Variants in ZNF675 observed in about 807,000 individuals in gnomAD.
The protein encoded by ZNF675 is zinc finger protein 675.
Under a neutral mutation model 56.1 loss-of-function variants are expected in ZNF675, and 36 were observed. The ratio of observed to expected loss-of-function variants is 0.64; its 90% CI spans 0.49 to 0.85. The LOEUF (loss-of-function observed/expected upper bound fraction) is 0.85. Among genes scored for constraint, ZNF675 ranks in the 40% least tolerant of loss-of-function variants. The probability of loss-of-function intolerance (pLI) is 0.00; values close to 1 mark genes in which losing one functional copy is unlikely to be tolerated. For missense variants in ZNF675, 663 were observed against 654.2 expected, an observed-to-expected ratio of 1.01 and a Z score of -0.15; for synonymous variants, 200 against 218.9, an observed-to-expected ratio of 0.91 and a Z score of 0.76.
intron 1 of ZNF675, among the ~76,000 whole-genome samples, chr19:23,685,241 G>A (rs947223946): frequency 6.6e-6 from 1 of 152,140 alleles, no homozygotes; most frequent in Admixed American, 6.6e-5. Context: ...TGGGATTACA[G>A]GTGTGCACCA....
At chr19:23,672,957 G>A (rs865784847) in intron 1 of ZNF675, among the ~76,000 whole-genome samples, 2 of 152,134 alleles carry the variant, frequency 1.3e-5, no homozygotes, top group African/African-American at 4.8e-5. Context: ...TTGACTGGAT[G>A]TACATCATTA....
chr19:23,677,706 CAAAAAAAAAAA>C (rs34806137), intron 1 of ZNF675, among the ~76,000 whole-genome samples: 3 of 80,724 alleles, frequency 3.7e-5, no homozygotes, highest in Non-Finnish European at 7.5e-5. Context: ...GACTCCGTCT[CAAAAAAAAAAA>C]AAAAAAAAAA....
intron 1 of ZNF675, among the ~76,000 whole-genome samples, chr19:23,679,091 C>T (rs1285271382): frequency 1.2e-4 from 16 of 137,720 alleles, no homozygotes; most frequent in Admixed American, 7.3e-4. Flanking sequence ...GGCATGAACT[C>T]GGGAGGCGGA....
rs370887480 is a variant in ZNF675 at position 23,654,178 on chromosome 19, C to T, written c.755G>A (p.Arg252Gln). 43 of 1,613,994 alleles carry T rather than the reference C, an allele frequency of 2.7e-5. No individual in the cohort carries two copies. In the African/African-American group the frequency reaches 2.9e-4, roughly 11 times the overall value. Reference protein sequence around the residue: ...NLTEYKKDYAREKPYKCEECG... With the variant: ...NLTEYKKDYAQEKPYKCEECG... ...TTCTTCACATTTGTATGGTTTCTCT[C>T]GAGCATAATCTTTTTTATATTCAGT... The change falls in exon 4 of 4, where the codon CGA becomes CAA. Residue 252 changes from arginine (R) to glutamine (Q), a missense_variant. Coordinates refer to ENST00000359788, the MANE Select transcript of ZNF675 (RefSeq NM_138330.3).
intron 1 of ZNF675, among the ~76,000 whole-genome samples, chr19:23,663,809 TAATAGCTA>T (rs1230434323): frequency 6.6e-6 from 1 of 152,222 alleles, no homozygotes; most frequent in Non-Finnish European, 1.5e-5. Context: ...CTTGTTTAAA[TAATAGCTA>T]ATTGAGAACA....
chr19:23,656,915 C>G (rs1253286246), intron 3 of ZNF675: 1 of 152,066 alleles, frequency 6.6e-6, no homozygotes, highest in Non-Finnish European at 1.5e-5. Flanking sequence ...CATAACAATA[C>G]AAATATACTA....
chr19:23,678,152 A>G (rs1269719451), intron 1 of ZNF675, among the ~76,000 whole-genome samples: 1 of 151,720 alleles, frequency 6.6e-6, no homozygotes, highest in Non-Finnish European at 1.5e-5. Flanking sequence ...GACGCAAACA[A>G]ATGGAAAATC....
intron 1 of ZNF675, among the ~76,000 whole-genome samples, chr19:23,671,207 C>T (rs1032639727): frequency 6.6e-6 from 1 of 152,168 alleles, no homozygotes; most frequent in Non-Finnish European, 1.5e-5. Flanking sequence ...ATTAGCCAAT[C>T]TGCCCCTGAC....
In ZNF675 at chr19:23,667,878, T is replaced by C. The variant is rs145395879; in HGVS notation, c.4-4720A>G. 7.6e-4 allele frequency among the ~76,000 whole-genome samples: 109 copies of C among 142,936 alleles called. 1 individual carries two copies. The East Asian group carries it at 0.02, about 26-fold the overall frequency. The allele number at this position is 142,936 out of a possible 152,430, so 93.8% of individuals were successfully genotyped here. A position where few individuals can be genotyped will look rare whatever the true frequency, so the allele number is the denominator to read the frequency against. On this transcript the variant is annotated intron_variant, in intron 1 of 3. Coordinates refer to ENST00000359788, the MANE Select transcript of ZNF675 (RefSeq NM_138330.3). ...CCTGAGCTAGACACAGGGTGCTGAT[T>C]GGTGTGTTTACAAACCTTGAGCTAG...
At chr19:23,673,536 C>A (rs2144943420) in intron 1 of ZNF675, among the ~76,000 whole-genome samples, 1 of 152,292 alleles carries the variant, frequency 6.6e-6, no homozygotes, top group East Asian at 1.9e-4. Flanking sequence ...ATGCACTTGG[C>A]AGCAAATTTG....
Position 23,653,538 on chromosome 19 carries a change from T to G in ZNF675, c.1395A>C (p.Ser465=). The part of the protein sequence containing the change: ...EECGKAFIQS[S]KLTEHKKIHS... ...GAATTTTCTTATGTTCAGTAAGTTT[T>G]GAGGATTGGATAAAAGCTTTGCCAC... The change falls in exon 4 of 4, where the codon TCA becomes TCC. Residue 465 remains serine, a synonymous_variant. Transcript: ENST00000359788. 1 of 1,613,406 alleles carries G rather than the reference T, an allele frequency of 6.2e-7. No individual in the cohort carries two copies. Among genetic ancestry groups the G allele is most frequent in the South Asian group, 1.1e-5 (1 of 91,056 alleles).
At position 23,654,421 on chromosome 19, in the gene ZNF675, G is replaced by A. The variant is rs767083736; in HGVS notation, c.512C>T (p.Pro171Leu). ...RHKIKHMENK[P>L]FKCKECGRSF... ...TCTGCCACATTCTTTACATTTGAAA[G>A]GTTTATTTTCCATATGTTTTATCTT... Residue 171 changes from proline to leucine, a missense_variant, in exon 4 of 4, where the codon CCT (proline) becomes CTT (leucine). Around this residue, in one of 3 missense-constraint regions of ZNF675, gnomAD observed 617 missense variants for 590.5 expected, o/e 1.04. Coordinates refer to ENST00000359788, the MANE Select transcript of ZNF675 (RefSeq NM_138330.3). 6.2e-7 allele frequency: 1 copy of A among 1,610,024 alleles called. No individual in the cohort carries two copies. The highest frequency in any genetic ancestry group is 2.2e-5 in the East Asian group (1 of 44,788).
At chr19:23,679,054 C>A (rs1309849668) in intron 1 of ZNF675, among the ~76,000 whole-genome samples, 2 of 149,854 alleles carry the variant, frequency 1.3e-5, no homozygotes, top group South Asian at 2.1e-4. Context: ...GTAGTCCCAG[C>A]TACTTGGGAG....
intron 3 of ZNF675, among the ~76,000 whole-genome samples, chr19:23,661,291 G>GT (rs1195132176): frequency 6.6e-6 from 1 of 151,898 alleles, no homozygotes; most frequent in African/African-American, 2.4e-5. Flanking sequence ...GATTACAGGC[G>GT]TGAGCCACCG....
Position 23,673,979 on chromosome 19 carries a change from G to A in ZNF675, c.4-10821C>T, listed in dbSNP as rs956564045. On this transcript the variant is annotated intron_variant, in intron 1 of 3. Transcript: ENST00000359788. ...ACACTTTGGGAGGTTGAGGTGGGTG[G>A]ATCACCTGAGGTCAGGAGTTCGAAA... is the stretch of plus-strand genomic sequence containing the variant. Among the ~76,000 whole-genome samples, 25 of 151,808 alleles carry A rather than the reference G, an allele frequency of 1.6e-4. 1 individual carries two copies. Among genetic ancestry groups the A allele is most frequent in the Admixed American group, 4.6e-4 (7 of 15,268 alleles).
chr19:23,666,776 TTCTCTTTCTCTC>T (rs1968156477), intron 1 of ZNF675, among the ~76,000 whole-genome samples: 1 of 114,788 alleles, frequency 8.7e-6, no homozygotes, highest in African/African-American at 2.6e-5. Flanking sequence ...TTCTCTCTTT[TTCTCTTTCTCTC>T]TCTTTCTCTC....
intron 3 of ZNF675, among the ~76,000 whole-genome samples, chr19:23,658,877 A>AGAGATATAGATCTAGATCTATATC: frequency 9.6e-5 from 1 of 10,428 alleles, no homozygotes; most frequent in Non-Finnish European, 2.4e-4. Flanking sequence ...ATCTATAGAT[A>AGAGATATAGATCTAGATCTATATC]TCTATAGATA....
intron 1 of ZNF675, among the ~76,000 whole-genome samples, chr19:23,676,901 C>T (rs1235793477): frequency 6.6e-6 from 1 of 151,096 alleles, no homozygotes; most frequent in African/African-American, 2.5e-5. Flanking sequence ...GGTGAAACTC[C>T]GTCTCTACTA....
At chr19:23,683,819 C>T (rs1161998230) in intron 1 of ZNF675, among the ~76,000 whole-genome samples, 1 of 152,008 alleles carries the variant, frequency 6.6e-6, no homozygotes, top group East Asian at 1.9e-4. Flanking sequence ...TAAACTCACT[C>T]TGGGAAAGAA....
Sources: gnomAD v4.1 joint callset for allele counts (sites outside exome capture counted in the v4.1 genomes callset) on GRCh38, gnomAD v4.1.1 for gene constraint, gnomAD v4.1.1 regional missense constraint, MANE v1.5 for transcripts, NCBI Gene and HGNC (gene_info 2026-07-23, HGNC 2026-07-21) for gene names.